SLC17A5: variants seen among roughly 807,000 people sequenced by gnomAD.
The protein encoded by SLC17A5 is sialin.
SLC17A5 carries 47 observed loss-of-function variants against 59.4 expected under a neutral mutation model. That is an observed-to-expected ratio of 0.79 (90% CI 0.63 to 1.01). The LOEUF is 1.01. Among genes scored for constraint, SLC17A5 ranks in the 50% least tolerant of loss-of-function variants. The probability of loss-of-function intolerance (pLI) is 0.00; values close to 1 mark genes in which losing one functional copy is unlikely to be tolerated. For synonymous variants in SLC17A5, 202 were observed against 210.7 expected (o/e 0.96, Z 0.36); for missense variants, 522 against 595.5 (o/e 0.88, Z 1.28).
chr6:73,615,242 T>A, intron 8 of SLC17A5, 73 bp downstream of exon 8: 1 of 1,542,384 alleles, frequency 6.5e-7, no homozygotes, highest in Non-Finnish European at 8.9e-7. Context: ...ACACACTTTG[T>A]TTTCCTATCT....
intron 9 of SLC17A5, among the ~76,000 whole-genome samples, chr6:73,603,418 CTCT>C (rs1767250420): frequency 7.9e-6 from 1 of 126,036 alleles, no homozygotes; most frequent in Admixed American, 8.6e-5. Flanking sequence ...AAATTGCTGC[CTCT>C]TTTTTTTTTT....
rs564560116 is a variant in SLC17A5, at chr6:73,632,423, T to G, written c.819+2959A>C. Among the ~76,000 whole-genome samples, 28 of 143,508 alleles carry G rather than the reference T, an allele frequency of 2.0e-4. 2 individuals carry two copies. Among genetic ancestry groups the G allele is most frequent in the African/African-American group, 6.0e-4 (23 of 38,488 alleles). The allele number at this position is 143,508 out of a possible 152,430, so 94.1% of individuals were successfully genotyped here. Reference sequence around the variant, plus strand: ...TTGGAGAGATTAAGACACATATCGATGTAGAGAAAGCTTTTTTTTTTTTTT... The same window carrying G: ...TTGGAGAGATTAAGACACATATCGAGGTAGAGAAAGCTTTTTTTTTTTTTT... On this transcript the variant is annotated intron_variant, in intron 6 of 10. Transcript: ENST00000355773.
intron 7 of SLC17A5, among the ~76,000 whole-genome samples, chr6:73,621,016 A>ATTATTATTT (rs1239470097): frequency 4.8e-5 from 7 of 144,758 alleles, no homozygotes; most frequent in Admixed American, 1.4e-4. Context: ...TATTATTATT[A>ATTATTATTT]TTTTTTGAGA....
chr6:73,651,384 C>T (rs993790860), intron 1 of SLC17A5, among the ~76,000 whole-genome samples: 8 of 128,820 alleles, frequency 6.2e-5, no homozygotes, highest in Non-Finnish European at 1.1e-4. Context: ...TCACTTGAAC[C>T]GGGGAGGCTG....
Position 73,638,445 on chromosome 6 carries a change from C to G in SLC17A5, c.580G>C (p.Glu194Gln), listed in dbSNP as rs532277096. 1.9e-6 allele frequency: 3 copies of G among 1,613,950 alleles called. No homozygotes were observed. The African/African-American group carries it at 4.0e-5, about 22-fold the overall frequency. ...AMWSSWAPPL[E>Q]RSKLLSISYA... ...GAAATGCTAAGAAGTTTGCTTCTTT[C>G]AAGAGGGGGAGCCCAAGAAGACCAC... Residue 194 changes from glutamate (E) to glutamine (Q), a missense_variant, in exon 4 of 11, where the codon GAA (glutamate) becomes CAA (glutamine). Glu to Gln is a conservative substitution (Grantham distance 29). This residue lies in a region of SLC17A5 where 338 missense variants were observed against 363.8 expected (regional missense o/e 0.93). Transcript: ENST00000355773.
intron 1 of SLC17A5, among the ~76,000 whole-genome samples, chr6:73,647,445 G>C (rs994845995): frequency 7.9e-5 from 12 of 152,236 alleles, no homozygotes; most frequent in Admixed American, 6.5e-4. Context: ...TTAGATGTGG[G>C]AGTAAGTGAA....
chr6:73,636,420 TG>T (rs1769003348), intron 5 of SLC17A5, among the ~76,000 whole-genome samples, 200 bp downstream of exon 5: 1 of 152,174 alleles, frequency 6.6e-6, no homozygotes, highest in Non-Finnish European at 1.5e-5. Flanking sequence ...TCATTTCTAC[TG>T]AGAAATATTC....
At position 73,594,375 on chromosome 6, in the gene SLC17A5, G is replaced by A. The variant is rs1766705782; in HGVS notation, c.*702C>T. On this transcript the variant is annotated 3_prime_UTR_variant, in exon 11 of 11. Transcript: ENST00000355773. ...AGCCAATATTCCTCTGTGCTGGGAA[G>A]GGAAAGTTTGAGGATGTATCAAGAC... 1 of 153,370 alleles carries A rather than the reference G, an allele frequency of 6.5e-6. No homozygotes were observed. Among genetic ancestry groups the A allele is most frequent in the Non-Finnish European group, 1.5e-5 (1 of 68,726 alleles). The allele number at this position is 153,370 out of a possible 1,614,324, so 9.5% of individuals were successfully genotyped here. A position where few individuals can be genotyped will look rare whatever the true frequency, so the allele number is the denominator to read the frequency against.
chr6:73,624,507 C>T (rs1446612621), intron 6 of SLC17A5, among the ~76,000 whole-genome samples: 1 of 152,166 alleles, frequency 6.6e-6, no homozygotes, highest in African/African-American at 2.4e-5. Context: ...TTTCATCTAT[C>T]AATCCTTTAA....
At chr6:73,601,428 C>T (rs1178617661) in intron 9 of SLC17A5, among the ~76,000 whole-genome samples, 4 of 142,160 alleles carry the variant, frequency 2.8e-5, no homozygotes, top group Admixed American at 6.9e-5. Context: ...GTCAGCCCCG[C>T]GCCCGGCCAG....
chr6:73,595,035 A>G lies in SLC17A5; in HGVS notation c.*42T>C. Reference sequence around the variant, plus strand: ...AAGGCACTTTGAGGTTACATGATAAATAAAAATACATTAATAGAGGCAGGA... The same window carrying G: ...AAGGCACTTTGAGGTTACATGATAAGTAAAAATACATTAATAGAGGCAGGA... On this transcript the variant is annotated 3_prime_UTR_variant, in exon 11 of 11. Transcript: ENST00000355773. 1 of 1,610,880 alleles carries G rather than the reference A, an allele frequency of 6.2e-7. No homozygotes were observed. Among genetic ancestry groups the G allele is most frequent in the South Asian group, 1.1e-5 (1 of 90,982 alleles).
At chr6:73,617,467 T>C (rs1013244106) in intron 7 of SLC17A5, among the ~76,000 whole-genome samples, 1 of 152,180 alleles carries the variant, frequency 6.6e-6, no homozygotes, top group African/African-American at 2.4e-5. Context: ...ATAAGTGAAT[T>C]TTCTGATCTT....
chr6:73,601,317 G>C lies in SLC17A5; in HGVS notation c.1260-876C>G, dbSNP rs1456543941. On this transcript the variant is annotated intron_variant, in intron 9 of 10. Transcript: ENST00000355773. ...AGCCCCTCCGCCCGGCAGCCGCCCC[G>C]TCTGAGAAGTGAGGAGCCCCTCTGC... Among the ~76,000 whole-genome samples the C allele has an allele frequency of 8.6e-5, 12 of 139,890 alleles. No homozygotes were observed. The South Asian group carries it at 2.8e-3, about 33-fold the overall frequency. 91.8% of individuals were successfully genotyped at this position (139,890 alleles called of 152,430 possible).
intron 6 of SLC17A5, among the ~76,000 whole-genome samples, chr6:73,625,466 C>T (rs540279463): frequency 1.3e-5 from 2 of 152,154 alleles, no homozygotes; most frequent in South Asian, 4.1e-4. Flanking sequence ...GGATTACAAG[C>T]GTGAGCCAGT....
At chr6:73,610,690 A>AT (rs2150086889) in intron 8 of SLC17A5, 143 bp from the exon 9 acceptor site, 1 of 819,426 alleles carries the variant, frequency 1.2e-6, no homozygotes, top group Non-Finnish European at 1.9e-6. Flanking sequence ...AAATTTCATG[A>AT]GAAAAAAAAA....
chr6:73,626,139 C>A (rs1056601699), intron 6 of SLC17A5, among the ~76,000 whole-genome samples: 1 of 152,092 alleles, frequency 6.6e-6, no homozygotes. Context: ...GGAAACATAA[C>A]CTGAAATAAG....
chr6:73,618,636 TA>T, intron 7 of SLC17A5: 1 of 393,032 alleles, frequency 2.5e-6, no homozygotes, highest in Non-Finnish European at 4.8e-6. Context: ...ACCATCTCTA[TA>T]AACACATTTT....
At position 73,621,907 on chromosome 6, in the gene SLC17A5, C is replaced by T; in HGVS notation, c.875G>A (p.Trp292Ter). ...WVPILKSLPL[W>*]AIVVAHFSYN... Reference sequence around the variant, plus strand: ...AGAAAAGTGTGCAACTACGATAGCCCAAAGTGGCAGGGATTTTAAAATGGG... The same window carrying T: ...AGAAAAGTGTGCAACTACGATAGCCTAAAGTGGCAGGGATTTTAAAATGGG... The change falls in exon 7 of 11, where the codon TGG becomes TAG. Residue 292 changes from tryptophan to a stop codon, truncating the protein, a stop_gained. Coordinates refer to ENST00000355773, the MANE Select transcript of SLC17A5 (RefSeq NM_012434.5). LOFTEE classifies it high-confidence loss of function. The T allele has an allele frequency of 6.2e-7, 1 of 1,613,970 alleles. No homozygotes were observed. Among genetic ancestry groups the T allele is most frequent in the Non-Finnish European group, 8.5e-7 (1 of 1,179,912 alleles).
At position 73,624,227 on chromosome 6, in the gene SLC17A5, A is replaced by G. The variant is rs573143237; in HGVS notation, c.820-2265T>C. Among the ~76,000 whole-genome samples the G allele has an allele frequency of 7.2e-5, 11 of 151,738 alleles. No homozygotes were observed. The South Asian group carries it at 2.3e-3, about 32-fold the overall frequency. On this transcript the variant is annotated intron_variant, in intron 6 of 10. Transcript: ENST00000355773. Reference sequence around the variant, plus strand: ...GAGACCAACCTGGGCAACATGGTGAAACCCTGTCTCTACTAAAAATACAAA... The same window carrying G: ...GAGACCAACCTGGGCAACATGGTGAGACCCTGTCTCTACTAAAAATACAAA...
Sources: allele counts gnomAD v4.1 joint callset (sites outside exome capture counted in the v4.1 genomes callset), GRCh38; gene constraint gnomAD v4.1.1; regional missense constraint gnomAD v4.1.1; transcripts MANE v1.5; gene names NCBI Gene and HGNC (gene_info 2026-07-23, HGNC 2026-07-21).